The following KCNMA1 variants were observed in gnomAD, a reference collection of about 807,000 sequenced individuals.
KCNMA1 encodes the protein potassium calcium-activated channel subfamily M alpha 1.
A neutral mutation model predicts 140.0 loss-of-function variants in KCNMA1; 29 were observed. The ratio of observed to expected loss-of-function variants is 0.21; its 90% CI spans 0.15 to 0.28. KCNMA1 has a LOEUF of 0.28. Ranked by LOEUF, KCNMA1 falls within the 10% of genes least tolerant of loss-of-function variation. The pLI, the probability that KCNMA1 is intolerant of heterozygous loss-of-function variation, is 1.00. For missense variants in KCNMA1, 880 were observed against 1,602.2 expected (o/e 0.55, Z 7.70); for synonymous variants, 612 against 611.9 (o/e 1.00, Z 0.00).
At chr10:77,004,476 G>A (rs527374851) in intron 18 of KCNMA1, among the ~76,000 whole-genome samples, 1 of 152,240 alleles carries the variant, frequency 6.6e-6, no homozygotes, top group African/African-American at 2.4e-5. Flanking sequence ...TTTCTTAAAA[G>A]GTAAGACCTC....
chr10:77,138,531 G>C (rs185232266), intron 5 of KCNMA1, among the ~76,000 whole-genome samples: 1 of 152,100 alleles, frequency 6.6e-6, no homozygotes, highest in Non-Finnish European at 1.5e-5. Flanking sequence ...AGCCCCACAC[G>C]GGTCTTCCTG....
chr10:77,326,958 C>T (rs2084438593), intron 2 of KCNMA1, among the ~76,000 whole-genome samples: 1 of 152,084 alleles, frequency 6.6e-6, no homozygotes, highest in Admixed American at 6.6e-5. Context: ...CATCCCTCCC[C>T]AGTATACCTG....
intron 19 of KCNMA1, among the ~76,000 whole-genome samples, chr10:76,972,717 C>T (rs1354404748): frequency 6.6e-6 from 1 of 152,174 alleles, no homozygotes; most frequent in Non-Finnish European, 1.5e-5. Flanking sequence ...AGGTTTCCTC[C>T]TGCACTCACA....
intron 1 of KCNMA1, among the ~76,000 whole-genome samples, chr10:77,574,264 A>G (rs904284458): frequency 2.6e-4 from 40 of 151,382 alleles, no homozygotes; most frequent in East Asian, 2.5e-3. Flanking sequence ...GCGTGTGTAT[A>G]TATATATATA....
chr10:77,250,049 C>G (rs190300328), intron 3 of KCNMA1: 2 of 152,302 alleles, frequency 1.3e-5, no homozygotes, highest in East Asian at 1.9e-4. Flanking sequence ...ATTTTGGCCT[C>G]TCCACCCAAA....
chr10:77,275,201 A>G (rs2066316940), intron 2 of KCNMA1, among the ~76,000 whole-genome samples: 1 of 152,196 alleles, frequency 6.6e-6, no homozygotes, highest in Non-Finnish European at 1.5e-5. Flanking sequence ...GTGAGGTAGG[A>G]TCTGAAAGCA....
At chr10:77,087,631 A>T (rs967492143) in intron 10 of KCNMA1, among the ~76,000 whole-genome samples, 1 of 152,142 alleles carries the variant, frequency 6.6e-6, no homozygotes, top group Admixed American at 6.5e-5. Flanking sequence ...CATGTATGCG[A>T]CTCATCACAT....
rs1009924034 is a variant in KCNMA1, at chr10:77,518,088, T to C, written c.379-114065A>G. Among the ~76,000 whole-genome samples, 75 of 152,248 alleles carry C rather than the reference T, an allele frequency of 4.9e-4. 1 individual carries two copies. The highest frequency in any genetic ancestry group is 8.5e-4 in the Admixed American group (13 of 15,302). On this transcript the variant is annotated intron_variant, in intron 1 of 27. Coordinates refer to ENST00000286628, the MANE Select transcript of KCNMA1 (RefSeq NM_001161352.2). ...GTACTGTTCCCTCAAAGATCCCCCA[T>C]AGTTTCCTTTTCCAGGCAAGTTGAT...
chr10:76,957,248 A>C (rs1284835439), intron 20 of KCNMA1, among the ~76,000 whole-genome samples: 2 of 151,956 alleles, frequency 1.3e-5, no homozygotes, highest in Non-Finnish European at 2.9e-5. Context: ...CAGAGAATTG[A>C]GGCCCAAATG....
At chr10:77,179,812 G>A (rs2098788477) in intron 5 of KCNMA1, among the ~76,000 whole-genome samples, 1 of 152,152 alleles carries the variant, frequency 6.6e-6, no homozygotes, top group Non-Finnish European at 1.5e-5. Flanking sequence ...CTGCCTCATA[G>A]GTTTGCTCTG....
chr10:77,334,267 G>A (rs1442995515), intron 2 of KCNMA1, among the ~76,000 whole-genome samples: 3 of 152,080 alleles, frequency 2.0e-5, no homozygotes, highest in Non-Finnish European at 2.9e-5. Context: ...AGCATTTTGT[G>A]GGGGAGTTCA....
rs1436113197 is a variant in KCNMA1, at chr10:76,944,984, A to C, written c.2710-19T>G. On this transcript the variant is annotated intron_variant, in intron 22 of 27. Transcript: ENST00000286628. Reference sequence around the variant, plus strand: ...GCGTACCCTTTGGCATAGAGGAAAGAAAAAAAAACAGAGATGGGGGGAGAA... The same window carrying C: ...GCGTACCCTTTGGCATAGAGGAAAGCAAAAAAAACAGAGATGGGGGGAGAA... The C allele has an allele frequency of 3.1e-6, 5 of 1,600,512 alleles. No individual in the cohort carries two copies. The highest frequency in any genetic ancestry group is 4.3e-6 in the Non-Finnish European group (5 of 1,171,034).
chr10:76,956,507 C>A (rs1379927683), intron 20 of KCNMA1, among the ~76,000 whole-genome samples: 2 of 152,156 alleles, frequency 1.3e-5, no homozygotes, highest in Non-Finnish European at 2.9e-5. Flanking sequence ...AAAGACATTA[C>A]CCTCTCTGAC....
At chr10:77,414,357 A>G (rs1291007408) in intron 1 of KCNMA1, among the ~76,000 whole-genome samples, 1 of 152,188 alleles carries the variant, frequency 6.6e-6, no homozygotes, top group Non-Finnish European at 1.5e-5. Flanking sequence ...CCATTCCCTG[A>G]GGACCAAGGG....
intron 2 of KCNMA1, among the ~76,000 whole-genome samples, chr10:77,343,014 C>T (rs913614830): frequency 6.6e-6 from 1 of 152,130 alleles, no homozygotes; most frequent in Admixed American, 6.5e-5. Flanking sequence ...TCCAGAATAG[C>T]CACTTTCCTC....
intron 24 of KCNMA1, chr10:76,911,471 C>A (rs2050217211): frequency 6.6e-6 from 1 of 152,232 alleles, no homozygotes; most frequent in Admixed American, 6.5e-5. Context: ...CTGCCAACTT[C>A]CTTGGGCAAA....
intron 20 of KCNMA1, among the ~76,000 whole-genome samples, chr10:76,960,059 T>G (rs911017404): frequency 1.3e-5 from 2 of 152,224 alleles, no homozygotes. Context: ...ATCTTGTTCA[T>G]TCTCCATCAA....
chr10:77,487,437 A>G (rs955948264), intron 1 of KCNMA1, among the ~76,000 whole-genome samples: 2 of 152,232 alleles, frequency 1.3e-5, no homozygotes, highest in Non-Finnish European at 2.9e-5. Context: ...TTGGTGCAAT[A>G]CACAGAAAGA....
chr10:77,030,434 T>C (rs532146038), intron 15 of KCNMA1, among the ~76,000 whole-genome samples: 2 of 152,334 alleles, frequency 1.3e-5, no homozygotes, highest in South Asian at 2.1e-4. Flanking sequence ...AACCACTTTC[T>C]AATGTAAATA....
Sources: allele counts gnomAD v4.1 joint callset (sites outside exome capture counted in the v4.1 genomes callset), GRCh38; gene constraint gnomAD v4.1.1; transcripts MANE v1.5; gene names NCBI Gene and HGNC (gene_info 2026-07-23, HGNC 2026-07-21).